CEP290: variants seen among roughly 807,000 people sequenced by gnomAD.
The protein encoded by CEP290 is centrosomal protein of 290 kDa.
A neutral mutation model predicts 344.9 loss-of-function variants in CEP290; 317 were observed. The observed-to-expected ratio is 0.92, with a 90% CI of 0.84 to 1.01. The LOEUF is 1.01. Among genes scored for constraint, CEP290 ranks in the 50% least tolerant of loss-of-function variants. The probability of loss-of-function intolerance (pLI) is 0.00; values close to 1 mark genes in which losing one functional copy is unlikely to be tolerated. For missense variants in CEP290, 2,754 were observed against 2,761.4 expected (o/e 1.00, Z 0.06); for synonymous variants, 932 against 895.8 (o/e 1.04, Z -0.72).
intron 46 of CEP290, among the ~76,000 whole-genome samples, chr12:88,061,847 T>C (rs1346419228): frequency 1.3e-5 from 2 of 151,994 alleles, no homozygotes; most frequent in Non-Finnish European, 2.9e-5. Flanking sequence ...TGTGTGACCA[T>C]GGCTCACTGT....
At chr12:88,112,768 G>C (rs1284745616) in intron 20 of CEP290, among the ~76,000 whole-genome samples, 1 of 152,086 alleles carries the variant, frequency 6.6e-6, no homozygotes, top group Non-Finnish European at 1.5e-5. Context: ...AAGGAGATTA[G>C]AGCAGGTCAT....
intron 46 of CEP290, 68 bp from the exon 47 acceptor site, chr12:88,061,062 C>T: frequency 8.6e-7 from 1 of 1,156,496 alleles, no homozygotes; most frequent in Non-Finnish European, 1.2e-6. Flanking sequence ...ACCAACAATA[C>T]AACAGGCTTA....
intron 14 of CEP290, 73 bp downstream of exon 14, chr12:88,120,924 A>G (rs2039359804): frequency 1.6e-6 from 2 of 1,289,688 alleles, no homozygotes; most frequent in East Asian, 4.7e-5. Flanking sequence ...GGTATGCAGT[A>G]AATAGCACAG....
chr12:88,060,811 T>C lies in CEP290; in HGVS notation c.6522+19A>G. 1 of 1,401,720 alleles carries C rather than the reference T, an allele frequency of 7.1e-7. No homozygotes were observed. The highest frequency in any genetic ancestry group is 1.6e-5 in the African/African-American group (1 of 63,776). The allele number at this position is 1,401,720 out of a possible 1,614,324, so 86.8% of individuals were successfully genotyped here. A position where few individuals can be genotyped will look rare whatever the true frequency, so the allele number is the denominator to read the frequency against. On this transcript the variant is annotated intron_variant, in intron 47 of 53. Transcript: ENST00000552810. Reference sequence around the variant, plus strand: ...ACGTAAAATATTCCCCTAAAAATGATCACATTAAAAAAAATTACCTTCAAT... The same window carrying C: ...ACGTAAAATATTCCCCTAAAAATGACCACATTAAAAAAAATTACCTTCAAT...
chr12:88,101,785 G>A (rs1219403363), intron 26 of CEP290, among the ~76,000 whole-genome samples: 4 of 152,096 alleles, frequency 2.6e-5, no homozygotes, highest in Admixed American at 6.5e-5. Context: ...TAATGCTGGA[G>A]AGGATAGGAC....
At chr12:88,062,593 T>A in intron 46 of CEP290, 99 bp downstream of exon 46, 1 of 722,880 alleles carries the variant, frequency 1.4e-6, no homozygotes. Context: ...ACAGGGCACT[T>A]GTAGAGGCAT....
At position 88,131,974 on chromosome 12, in the gene CEP290, G is replaced by A. The variant is rs2040101178; in HGVS notation, c.442-756C>T. On this transcript the variant is annotated intron_variant, in intron 6 of 53. Coordinates refer to ENST00000552810, the MANE Select transcript of CEP290 (RefSeq NM_025114.4). ...TAAAATCACACCGGCCTAGGTTTAT[G>A]TCCCTCATCAACCAATTTCTAGTAA... Among the ~76,000 whole-genome samples the A allele has an allele frequency of 2.6e-5, 4 of 152,280 alleles. No homozygotes were observed. The South Asian group carries it at 8.3e-4, about 32-fold the overall frequency.
In CEP290 at chr12:88,121,157, G is replaced by A. The variant is rs773578133; in HGVS notation, c.1199C>T (p.Thr400Ile). The change falls in exon 14 of 54, where the codon ACC becomes ATC. Residue 400 changes from threonine to isoleucine, a missense_variant. Thr to Ile is a moderately conservative substitution (Grantham distance 89). Transcript: ENST00000552810. ...NELQRNKGAS[T>I]LSQQTHMKIQ... ...TTTCATATGAGTCTGTTGAGAAAGG[G>A]TTGAAGCACCTACAGAGTAAAAACA... 18 of 1,611,494 alleles carry A rather than the reference G, an allele frequency of 1.1e-5. No individual in the cohort carries two copies. The Admixed American group carries it at 2.9e-4, about 26-fold the overall frequency.
chr12:88,107,824 C>T (rs1403426173), intron 23 of CEP290, among the ~76,000 whole-genome samples: 1 of 151,614 alleles, frequency 6.6e-6, no homozygotes, highest in African/African-American at 2.4e-5. Context: ...ATAACTTGGA[C>T]CCAGGAGGCA....
intron 27 of CEP290, 128 bp from the exon 28 acceptor site, chr12:88,094,103 A>T: frequency 1.5e-6 from 1 of 670,064 alleles, no homozygotes; most frequent in East Asian, 2.8e-5. Context: ...GAATTCCATC[A>T]GACCTGGACT....
At chr12:88,050,671 C>T (rs756514255) in intron 52 of CEP290, among the ~76,000 whole-genome samples, 40 of 152,062 alleles carry the variant, frequency 2.6e-4, no homozygotes, top group Non-Finnish European at 5.6e-4. Context: ...AAGTGTAGGC[C>T]AAGTTATTTT....
At chr12:88,120,400 A>G (rs1260344661) in intron 14 of CEP290, 124 bp from the exon 15 acceptor site, 10 of 454,144 alleles carry the variant, frequency 2.2e-5, no homozygotes, top group Middle Eastern at 5.9e-4. Flanking sequence ...TTATATCATT[A>G]CACTGGTTTT....
rs187647941 is a variant in CEP290 at position 88,110,160 on chromosome 12, A to T, written c.2368-979T>A. 2.0e-5 allele frequency among the ~76,000 whole-genome samples: 3 copies of T among 152,262 alleles called. No individual in the cohort carries two copies. The East Asian group carries it at 5.8e-4, about 29-fold the overall frequency. On this transcript the variant is annotated intron_variant, in intron 22 of 53. Coordinates refer to ENST00000552810, the MANE Select transcript of CEP290 (RefSeq NM_025114.4). ...GAGAGAAATAGTGGCCCATATAATC[A>T]AAAATATATTTTCATTGATTCTGAA...
Position 88,079,106 on chromosome 12 carries a change from T to A in CEP290, c.5350A>T (p.Thr1784Ser), listed in dbSNP as rs748668047. The A allele has an allele frequency of 6.3e-7, 1 of 1,591,600 alleles. No homozygotes were observed. Among genetic ancestry groups the A allele is most frequent in the East Asian group, 2.3e-5 (1 of 43,700 alleles). The change falls in exon 39 of 54, where the codon ACT (threonine) becomes TCT (serine). Residue 1784 changes from threonine (T) to serine (S), a missense_variant. By Grantham distance (58) the Thr-to-Ser change is moderately conservative (BLOSUM62 1). Transcript: ENST00000552810. ...TTGATGTTCACCTTTAGCTCTCTAGTATGTCGATCAACGATTTGTTGAACA... is the reference window on the plus strand; with the variant it reads ...TTGATGTTCACCTTTAGCTCTCTAGAATGTCGATCAACGATTTGTTGAACA... ...LNVQQIVDRH[T>S]RELKTQVEDL...
chr12:88,085,741 GAATA>G (rs1279253136), intron 34 of CEP290, among the ~76,000 whole-genome samples: 3 of 151,914 alleles, frequency 2.0e-5, no homozygotes, highest in Non-Finnish European at 4.4e-5. Context: ...AAAAAAGTAA[GAATA>G]AAGAGATCAT....
At chr12:88,074,293 C>T (rs1330055608) in intron 41 of CEP290, among the ~76,000 whole-genome samples, 3 of 151,984 alleles carry the variant, frequency 2.0e-5, no homozygotes, top group African/African-American at 7.2e-5. Context: ...GAAATATGTA[C>T]AAGAATTTTT....
chr12:88,089,910 AG>A (rs1167415025), intron 30 of CEP290, among the ~76,000 whole-genome samples: 1 of 152,064 alleles, frequency 6.6e-6, no homozygotes, highest in Non-Finnish European at 1.5e-5. Flanking sequence ...TATTTTTAGT[AG>A]GGACGGGGTT....
intron 52 of CEP290, among the ~76,000 whole-genome samples, chr12:88,051,525 T>C (rs1029097379): frequency 2.0e-5 from 3 of 152,198 alleles, no homozygotes; most frequent in African/African-American, 4.8e-5. Context: ...TTAAAAGTTA[T>C]CTTGCCATTT....
chr12:88,141,141 A>T, intron 2 of CEP290, 65 bp downstream of exon 2: 1 of 1,286,988 alleles, frequency 7.8e-7, no homozygotes, highest in Non-Finnish European at 1.0e-6. Context: ...AAATAAATTC[A>T]TATTTTATTA....
Sources: gnomAD v4.1 joint callset for allele counts (sites outside exome capture counted in the v4.1 genomes callset) on GRCh38, gnomAD v4.1.1 for gene constraint, MANE v1.5 for transcripts, NCBI Gene and HGNC (gene_info 2026-07-23, HGNC 2026-07-21) for gene names.